Variants in ANO3 observed in about 807,000 individuals in gnomAD.
ANO3 encodes anoctamin-3.
In ANO3, 99 loss-of-function variants were observed where a neutral mutation model predicts 144.8. That is an observed-to-expected ratio of 0.68 (90% CI 0.58 to 0.81). The LOEUF (loss-of-function observed/expected upper bound fraction) is 0.81, where lower values mean the gene tolerates loss of function less well. Among genes scored for constraint, ANO3 ranks in the 30% least tolerant of loss-of-function variants. The pLI is 0.00. For missense variants in ANO3, 905 were observed against 1,202.2 expected (o/e 0.75, Z 3.66); for synonymous variants, 414 against 392.6 (o/e 1.05, Z -0.64).
chr11:26,401,369 G>A (rs534460377), intron 1 of ANO3, among the ~76,000 whole-genome samples: 1 of 152,014 alleles, frequency 6.6e-6, no homozygotes, highest in Non-Finnish European at 1.5e-5. Flanking sequence ...GAGCAACTGT[G>A]AGAATGCTCC....
At chr11:26,467,745 G>C (rs1859650023) in intron 4 of ANO3, among the ~76,000 whole-genome samples, 1 of 151,556 alleles carries the variant, frequency 6.6e-6, no homozygotes, top group African/African-American at 2.4e-5. Flanking sequence ...CAATAAATAT[G>C]GGAGTGCAGA....
chr11:26,314,251 G>A (rs1387811020), intron 1 of ANO3, among the ~76,000 whole-genome samples: 2 of 152,122 alleles, frequency 1.3e-5, no homozygotes, highest in Admixed American at 6.6e-5. Context: ...TTTTGAGTCC[G>A]ATTATCTGCA....
At chr11:26,276,095 C>T (rs1351766873) in intron 1 of ANO3, among the ~76,000 whole-genome samples, 6 of 152,114 alleles carry the variant, frequency 3.9e-5, no homozygotes, top group Non-Finnish European at 8.8e-5. Flanking sequence ...AAAGTATGTG[C>T]ATTTGCATAT....
At chr11:26,283,321 AATAT>A (rs58419788) in intron 1 of ANO3, among the ~76,000 whole-genome samples, 2,765 of 48,106 alleles carry the variant, frequency 0.057, 65 homozygotes, top group Non-Finnish European at 0.074. Flanking sequence ...CAAATAAATA[AATAT>A]ATATATATAT....
At chr11:26,392,239 CTT>C (rs33986969) in intron 1 of ANO3, among the ~76,000 whole-genome samples, 13 of 130,620 alleles carry the variant, frequency 1.0e-4, no homozygotes, top group East Asian at 2.2e-4. Context: ...GAATTCCTGC[CTT>C]TTTTTTTTTT....
chr11:26,312,089 G>A (rs1395077308), intron 1 of ANO3, among the ~76,000 whole-genome samples: 1 of 152,204 alleles, frequency 6.6e-6, no homozygotes, highest in Non-Finnish European at 1.5e-5. Context: ...GTGAGAGCAT[G>A]CAGTGTTTGG....
At chr11:26,475,371 GC>G (rs1240685514) in intron 4 of ANO3, among the ~76,000 whole-genome samples, 1 of 151,876 alleles carries the variant, frequency 6.6e-6, no homozygotes, top group Non-Finnish European at 1.5e-5. Flanking sequence ...AATTAATCTA[GC>G]TTTTTTTGTA....
chr11:26,226,653 T>G (rs1443131190), intron 1 of ANO3, among the ~76,000 whole-genome samples: 1 of 152,278 alleles, frequency 6.6e-6, no homozygotes, highest in East Asian at 1.9e-4. Flanking sequence ...CATAAATATT[T>G]CATTAAGTGG....
In ANO3 at chr11:26,527,081, C is replaced by T. The variant is rs184996485; in HGVS notation, c.737+1402C>T. Among the ~76,000 whole-genome samples the T allele has an allele frequency of 2.2e-3, 329 of 152,096 alleles. 1 individual carries two copies. Among genetic ancestry groups the T allele is most frequent in the African/African-American group, 7.6e-3 (315 of 41,498 alleles). On this transcript the variant is annotated intron_variant, in intron 7 of 26. Transcript: ENST00000256737. ...AGTAGGTTTTCTGTTAAACAAGAATCTTTCCTTTGGAGACTTGGGAAAGTA... is the reference window on the plus strand; with the variant it reads ...AGTAGGTTTTCTGTTAAACAAGAATTTTTCCTTTGGAGACTTGGGAAAGTA...
chr11:26,395,944 G>A (rs893999553), intron 1 of ANO3, among the ~76,000 whole-genome samples: 8 of 152,158 alleles, frequency 5.3e-5, no homozygotes, highest in African/African-American at 1.9e-4. Flanking sequence ...TTGACAAATG[G>A]GATCTAATTA....
intron 1 of ANO3, among the ~76,000 whole-genome samples, chr11:26,367,050 C>A (rs1349122805): frequency 6.6e-6 from 1 of 152,050 alleles, no homozygotes; most frequent in Non-Finnish European, 1.5e-5. Context: ...AACTGGCTAG[C>A]CATATGTAGA....
At chr11:26,307,416 AG>A (rs1854408512), upstream of ANO3, among the ~76,000 whole-genome samples, 1 of 141,746 alleles carries the variant, frequency 7.1e-6, no homozygotes, top group South Asian at 2.3e-4. Flanking sequence ...TAATTTAATG[AG>A]GGGCTGGGTG....
At chr11:26,409,162 C>CCGCTGGATGGCTT (rs1857370512) in intron 1 of ANO3, among the ~76,000 whole-genome samples, 1 of 151,380 alleles carries the variant, frequency 6.6e-6, no homozygotes, top group Non-Finnish European at 1.5e-5. Flanking sequence ...GATATCCCTT[C>CCGCTGGATGGCTT]CTCTGGATGG....
intron 5 of ANO3, among the ~76,000 whole-genome samples, chr11:26,512,268 T>A (rs936436884): frequency 6.6e-6 from 1 of 152,366 alleles, no homozygotes; most frequent in East Asian, 1.9e-4. Context: ...AAGTTTTCCC[T>A]TCTCTCAAGA....
At chr11:26,290,975 T>G (rs1853942728) in intron 1 of ANO3, among the ~76,000 whole-genome samples, 2 of 152,210 alleles carry the variant, frequency 1.3e-5, no homozygotes, top group African/African-American at 4.8e-5. Flanking sequence ...GTTAACTATC[T>G]GTCTCGTTGA....
intron 1 of ANO3, among the ~76,000 whole-genome samples, chr11:26,311,720 T>A (rs1205351374): frequency 6.6e-6 from 1 of 152,180 alleles, no homozygotes; most frequent in East Asian, 1.9e-4. Flanking sequence ...ACCAATTATC[T>A]CCTGTACTCT....
chr11:26,312,795 G>C (rs1021863693), intron 1 of ANO3, among the ~76,000 whole-genome samples: 2 of 152,132 alleles, frequency 1.3e-5, no homozygotes, highest in East Asian at 1.9e-4. Flanking sequence ...TAGTTTGCCT[G>C]TTCACTCTGA....
At chr11:26,245,069 C>T (rs2133814480) in intron 1 of ANO3, among the ~76,000 whole-genome samples, 1 of 146,346 alleles carries the variant, frequency 6.8e-6, no homozygotes, top group African/African-American at 2.5e-5. Context: ...AAAAATAATT[C>T]CAACTTGCAG....
intron 6 of ANO3, among the ~76,000 whole-genome samples, chr11:26,521,504 C>T (rs1862075508): frequency 6.6e-6 from 1 of 152,148 alleles, no homozygotes; most frequent in African/African-American, 2.4e-5. Context: ...AATTTGCCTA[C>T]ATTTTTCTAG....
Sources: gnomAD v4.1 joint callset for allele counts (sites outside exome capture counted in the v4.1 genomes callset) on GRCh38, gnomAD v4.1.1 for gene constraint, MANE v1.5 for transcripts, NCBI Gene and HGNC (gene_info 2026-07-23, HGNC 2026-07-21) for gene names.